The following SLC4A10 variants were observed in gnomAD, a reference collection of about 807,000 sequenced individuals.
SLC4A10 encodes the protein sodium-driven chloride bicarbonate exchanger.
A neutral mutation model predicts 137.7 loss-of-function variants in SLC4A10; 42 were observed. That is an observed-to-expected ratio of 0.30 (90% CI 0.24 to 0.39). SLC4A10 has a LOEUF of 0.39. Ranked by LOEUF, SLC4A10 falls within the 10% of genes least tolerant of loss-of-function variation. The pLI, the probability that SLC4A10 is intolerant of heterozygous loss-of-function variation, is 1.00. For missense variants in SLC4A10, 925 were observed against 1,355.0 expected, an observed-to-expected ratio of 0.68 and a Z score of 4.98; for synonymous variants, 474 against 464.1, an observed-to-expected ratio of 1.02 and a Z score of -0.27.
intron 1 of SLC4A10, among the ~76,000 whole-genome samples, chr2:161,722,435 G>A (rs1246725668): frequency 2.0e-5 from 3 of 152,110 alleles, no homozygotes; most frequent in Non-Finnish European, 2.9e-5. Context: ...TAACAGTTAG[G>A]CCTCTCTTCC....
chr2:161,682,823 TC>T lies in SLC4A10; in HGVS notation c.48+58258del, dbSNP rs1414324868. Reference sequence around the variant, plus strand: ...TGGTGTCTCCTGTAGGGTGGACAGATCTTTTACATGGCAGTTCATGGCTCCC... The same window carrying T: ...TGGTGTCTCCTGTAGGGTGGACAGATTTTTACATGGCAGTTCATGGCTCCC... On this transcript the variant is annotated intron_variant, in intron 1 of 26. Coordinates refer to ENST00000446997, the MANE Select transcript of SLC4A10 (RefSeq NM_001178015.2). 2.6e-5 allele frequency among the ~76,000 whole-genome samples: 4 copies of T among 152,214 alleles called. No individual in the cohort carries two copies. In the South Asian group the frequency reaches 6.2e-4, roughly 24 times the overall value.
intron 3 of SLC4A10, among the ~76,000 whole-genome samples, chr2:161,828,484 T>C (rs1420831393): frequency 6.7e-6 from 1 of 150,074 alleles, no homozygotes; most frequent in Non-Finnish European, 1.5e-5. Flanking sequence ...TTTAAAATGT[T>C]ATATATCTCT....
intron 23 of SLC4A10, among the ~76,000 whole-genome samples, chr2:161,972,867 T>A (rs1698791190): frequency 6.6e-6 from 1 of 152,156 alleles, no homozygotes; most frequent in African/African-American, 2.4e-5. Flanking sequence ...AGAAATGAGA[T>A]CTGCTCCCAC....
At chr2:161,835,264 C>G (rs1029236127) in intron 3 of SLC4A10, among the ~76,000 whole-genome samples, 1 of 152,040 alleles carries the variant, frequency 6.6e-6, no homozygotes, top group Non-Finnish European at 1.5e-5. Context: ...GTCTTGAACT[C>G]CTGACCTTGT....
At chr2:161,745,929 T>C (rs1181166628) in intron 1 of SLC4A10, among the ~76,000 whole-genome samples, 1 of 152,068 alleles carries the variant, frequency 6.6e-6, no homozygotes, top group Non-Finnish European at 1.5e-5. Context: ...CACAAACAAA[T>C]GGAGTTTCTC....
At chr2:161,678,611 G>A (rs1186307012) in intron 1 of SLC4A10, among the ~76,000 whole-genome samples, 1 of 151,992 alleles carries the variant, frequency 6.6e-6, no homozygotes, top group Non-Finnish European at 1.5e-5. Flanking sequence ...ACTCCTCCAT[G>A]CTTCTTTCTA....
intron 2 of SLC4A10, among the ~76,000 whole-genome samples, chr2:161,803,021 G>A (rs1279751528): frequency 6.6e-6 from 1 of 151,942 alleles, no homozygotes; most frequent in East Asian, 1.9e-4. Context: ...GTGTACTTTG[G>A]CACTTGAGAA....
At chr2:161,855,540 C>T (rs916272846) in intron 5 of SLC4A10, among the ~76,000 whole-genome samples, 52 of 152,114 alleles carry the variant, frequency 3.4e-4, no homozygotes, top group African/African-American at 1.1e-3. Flanking sequence ...CAGAAAGGTA[C>T]GGCCATTCAT....
chr2:161,823,079 A>T (rs532931063), intron 3 of SLC4A10, among the ~76,000 whole-genome samples: 2 of 152,340 alleles, frequency 1.3e-5, no homozygotes, highest in Non-Finnish European at 2.9e-5. Flanking sequence ...AATTAGGAAA[A>T]AAGTATGTCA....
At chr2:161,950,371 A>G (rs1694589211) in intron 18 of SLC4A10, among the ~76,000 whole-genome samples, 1 of 152,068 alleles carries the variant, frequency 6.6e-6, no homozygotes, top group Non-Finnish European at 1.5e-5. Context: ...ATTTTTCAAC[A>G]AGTCTGTCAG....
intron 17 of SLC4A10, among the ~76,000 whole-genome samples, 187 bp from the exon 18 acceptor site, chr2:161,948,961 C>T (rs1254801339): frequency 2.0e-5 from 3 of 151,938 alleles, no homozygotes; most frequent in Admixed American, 6.6e-5. Flanking sequence ...CCAATCTTAA[C>T]GACAGTGATA....
At chr2:161,719,150 A>G (rs1157228675) in intron 1 of SLC4A10, among the ~76,000 whole-genome samples, 2 of 151,704 alleles carry the variant, frequency 1.3e-5, no homozygotes, top group East Asian at 1.9e-4. Context: ...GAGAACGTGC[A>G]GTGTTTGGTT....
intron 19 of SLC4A10, among the ~76,000 whole-genome samples, chr2:161,953,533 G>T (rs186495761): frequency 6.6e-6 from 1 of 152,152 alleles, no homozygotes; most frequent in Admixed American, 6.5e-5. Flanking sequence ...GTCTGAACCT[G>T]GAAGGCAGAG....
intron 1 of SLC4A10, among the ~76,000 whole-genome samples, chr2:161,733,869 T>C (rs2125198959): frequency 6.6e-6 from 1 of 152,300 alleles, no homozygotes; most frequent in South Asian, 2.1e-4. Flanking sequence ...ATGTGAGACA[T>C]GGAGTCAAAG....
intron 1 of SLC4A10, among the ~76,000 whole-genome samples, chr2:161,703,153 A>G (rs913367994): frequency 6.6e-6 from 1 of 151,690 alleles, no homozygotes; most frequent in African/African-American, 2.4e-5. Context: ...ACATCCTTTG[A>G]TCTAGTAAGT....
intron 3 of SLC4A10, among the ~76,000 whole-genome samples, chr2:161,832,898 G>T (rs1314615548): frequency 6.6e-6 from 1 of 152,044 alleles, no homozygotes; most frequent in Non-Finnish European, 1.5e-5. Flanking sequence ...CTGCCACCAC[G>T]CCTGGCTAAT....
At chr2:161,882,128 T>TAAA (rs34384577) in intron 9 of SLC4A10, among the ~76,000 whole-genome samples, 5 of 136,794 alleles carry the variant, frequency 3.7e-5, no homozygotes, top group African/African-American at 1.3e-4. Flanking sequence ...AACACTGTGA[T>TAAA]AAAAAAAAAA....
intron 1 of SLC4A10, among the ~76,000 whole-genome samples, chr2:161,711,918 C>A (rs2044332772): frequency 6.6e-6 from 1 of 151,788 alleles, no homozygotes; most frequent in Non-Finnish European, 1.5e-5. Flanking sequence ...ATAAGAGTAC[C>A]TGACATATAT....
At position 161,839,872 on chromosome 2, in the gene SLC4A10, C is replaced by T. The variant is rs749421447; in HGVS notation, c.361C>T (p.Leu121=). ...EHIPHDLFTE[L]DEICWREGED... ...CATTCCTCATGACCTTTTCACAGAA[C>T]TGGATGAGATTTGTTGGCGTGAAGG... The change falls in exon 4 of 27, where the codon CTG becomes TTG. Residue 121 remains leucine, a synonymous_variant. Transcript: ENST00000446997. 1.2e-5 allele frequency: 20 copies of T among 1,613,748 alleles called. No individual in the cohort carries two copies. The East Asian group carries it at 1.3e-4, about 11-fold the overall frequency.
Sources: allele counts gnomAD v4.1 joint callset (sites outside exome capture counted in the v4.1 genomes callset), GRCh38; gene constraint gnomAD v4.1.1; transcripts MANE v1.5; gene names NCBI Gene and HGNC (gene_info 2026-07-23, HGNC 2026-07-21).